The following TNC variants were observed in gnomAD, a reference collection of about 807,000 sequenced individuals.
TNC encodes the protein tenascin C.
A neutral mutation model predicts 202.4 loss-of-function variants in TNC; 109 were observed. The observed-to-expected ratio is 0.54, with a 90% CI of 0.46 to 0.63. The LOEUF (loss-of-function observed/expected upper bound fraction) is 0.63. TNC is among the 30% of genes least tolerant of loss of function. The pLI is 0.00. For synonymous variants in TNC, 1,007 were observed against 1,089.7 expected, an observed-to-expected ratio of 0.92 and a Z score of 1.50; for missense variants, 2,756 against 2,833.3, an observed-to-expected ratio of 0.97 and a Z score of 0.62.
At position 115,059,778 on chromosome 9, in the gene TNC, C is replaced by G. The variant is rs750201963; in HGVS notation, c.4258G>C (p.Val1420Leu). 3.7e-6 allele frequency: 6 copies of G among 1,613,948 alleles called. No homozygotes were observed. Among genetic ancestry groups the G allele is most frequent in the Non-Finnish European group, 5.1e-6 (6 of 1,179,972 alleles). The stretch of plus-strand genomic sequence containing the variant: ...ACTGGTGTTCTATAGCCCCGGATCA[C>G]CCCATAGATGGAGACTCTATAAGGC... ...ATPYRVSIYG[V>L]IRGYRTPVLS... is the part of the protein sequence containing the mutation. The change falls in exon 14 of 28, where the codon GTG (valine) becomes CTG (leucine). Residue 1420 changes from valine (V) to leucine (L), a missense_variant. Val to Leu is a conservative substitution (Grantham distance 32, BLOSUM62 1). Coordinates refer to ENST00000350763, the MANE Select transcript of TNC (RefSeq NM_002160.4).
At chr9:115,052,292 G>A (rs1312716646) in intron 15 of TNC, among the ~76,000 whole-genome samples, 4 of 151,944 alleles carry the variant, frequency 2.6e-5, no homozygotes, top group South Asian at 2.1e-4. Context: ...GGTGGTTACC[G>A]GTGACTGGGG....
intron 5 of TNC, 50 bp downstream of exon 5, chr9:115,082,642 A>G (rs1464531494): frequency 2.2e-6 from 3 of 1,382,762 alleles, no homozygotes; most frequent in African/African-American, 1.4e-5. Flanking sequence ...CCCTTTGGTC[A>G]TCTTTCAAAT....
intron 5 of TNC, 113 bp downstream of exon 5, chr9:115,082,579 C>A: frequency 4.3e-6 from 3 of 691,996 alleles, no homozygotes; most frequent in Admixed American, 2.7e-5. Flanking sequence ...TAATGAGAGC[C>A]TTGTCCTCCA....
intron 13 of TNC, among the ~76,000 whole-genome samples, chr9:115,060,323 A>G (rs1832452342): frequency 2.0e-5 from 3 of 152,196 alleles, no homozygotes; most frequent in African/African-American, 7.2e-5. Context: ...GGGTTAGGGT[A>G]AGAGATACAG....
chr9:115,076,526 G>T lies in TNC; in HGVS notation c.2724C>A (p.Ser908Arg). Residue 908 changes from serine to arginine, a missense_variant, in exon 8 of 28, where the codon AGC (serine) becomes AGA (arginine). By Grantham distance (110) the Ser-to-Arg change is moderately radical. Around this residue, in one of 2 missense-constraint regions of TNC, gnomAD observed 2,559 missense variants for 2,546.0 expected, o/e 1.01. Coordinates refer to ENST00000350763, the MANE Select transcript of TNC (RefSeq NM_002160.4). Reference protein sequence around the residue: ...NLRRVSQTDNSITLEWRNGKA... With the variant: ...NLRRVSQTDNRITLEWRNGKA... ...TGCCATTCCTCCATTCCAGGGTGAT[G>T]CTGTTATCTGTCTGGGAAACACGTC... The T allele has an allele frequency of 6.2e-7, 1 of 1,614,222 alleles. No individual in the cohort carries two copies. The highest frequency in any genetic ancestry group is 8.5e-7 in the Non-Finnish European group (1 of 1,180,054).
At chr9:115,087,370 G>A (rs1344678796) in intron 2 of TNC, 97 bp from the exon 3 acceptor site, 5 of 1,239,260 alleles carry the variant, frequency 4.0e-6, no homozygotes, top group Admixed American at 4.4e-5. Flanking sequence ...GCTGAAGGAC[G>A]GTTGCACCCT....
Position 115,078,124 on chromosome 9 carries a change from A to C in TNC, c.2493T>G (p.Asp831Glu). The part of the protein sequence containing the change: ...ITWFKPLAEI[D>E]GIELTYGIKD... ...TGATGCCGTAGGTCAGCTCAATGCC[A>C]TCGATCTCAGCCAGGGGCTTGAACC... The change falls in exon 7 of 28, where the codon GAT (aspartate) becomes GAG (glutamate). Residue 831 changes from aspartate to glutamate, a missense_variant. Physicochemically the swap from Asp to Glu is conservative, Grantham distance 45. Around this residue, in one of 2 missense-constraint regions of TNC, gnomAD observed 2,559 missense variants for 2,546.0 expected, o/e 1.01. Transcript: ENST00000350763. 1 of 1,614,208 alleles carries C rather than the reference A, an allele frequency of 6.2e-7. No individual in the cohort carries two copies. Among genetic ancestry groups the C allele is most frequent in the Non-Finnish European group, 8.5e-7 (1 of 1,180,018 alleles).
In TNC at chr9:115,086,767, G is replaced by T; in HGVS notation, c.964C>A (p.Arg322=). The T allele has an allele frequency of 6.2e-7, 1 of 1,613,824 alleles. No homozygotes were observed. The highest frequency in any genetic ancestry group is 8.5e-7 in the Non-Finnish European group (1 of 1,180,004). ...ELICPNDCFD[R]GRCINGTCYC... ...CAGGTGCCATTGATGCAGCGGCCCC[G>T]GTCGAAGCAGTCATTGGGGCAGATG... The change falls in exon 3 of 28, where the codon CGG becomes AGG. Residue 322 remains arginine (R), a synonymous_variant. Transcript: ENST00000350763.
chr9:115,073,621 G>A lies in TNC; in HGVS notation c.3196C>T (p.Arg1066Cys), dbSNP rs139280264. Residue 1066 changes from arginine (R) to cysteine (C), a missense_variant, in exon 10 of 28, where the codon CGT becomes TGT. Coordinates refer to ENST00000350763, the MANE Select transcript of TNC (RefSeq NM_002160.4). Reference protein sequence around the residue: ...EKGRHKSKPARVKASTEQAPE... With the variant: ...EKGRHKSKPACVKASTEQAPE... Reference sequence around the variant, plus strand: ...GACTCACCAGTGGATGCCTTCACACGTGCGGGCTTGCTCTTGTGTCTGCCT... The same window carrying A: ...GACTCACCAGTGGATGCCTTCACACATGCGGGCTTGCTCTTGTGTCTGCCT... 1.2e-3 allele frequency: 1,917 copies of A among 1,613,994 alleles called. 1 individual carries two copies. The highest frequency in any genetic ancestry group is 1.5e-3 in the Non-Finnish European group (1,742 of 1,179,936).
Position 115,029,451 on chromosome 9 carries a change from G to A in TNC, c.6078C>T (p.Phe2026=), listed in dbSNP as rs377288198. 2.8e-4 allele frequency: 452 copies of A among 1,614,070 alleles called. 10 individuals carry two copies. In the South Asian group the frequency reaches 4.6e-3, roughly 16 times the overall value. The change falls in exon 25 of 28, where the codon TTC becomes TTT. Residue 2026 remains phenylalanine (F), a synonymous_variant. Coordinates refer to ENST00000350763, the MANE Select transcript of TNC (RefSeq NM_002160.4). ...TCTCGCGTCCGTTTTTGCGTCTCAG[G>A]AACACCTATAAACATATCGATGAAT... is the stretch of plus-strand genomic sequence containing the variant. The part of the protein sequence containing the change: ...MTSDGGGWIV[F]LRRKNGRENF...
intron 6 of TNC, among the ~76,000 whole-genome samples, chr9:115,078,561 C>T (rs1309065628): frequency 6.6e-6 from 1 of 150,950 alleles, no homozygotes; most frequent in African/African-American, 2.4e-5. Context: ...AGGAAACATG[C>T]TTTGGGGATA....
intron 19 of TNC, among the ~76,000 whole-genome samples, chr9:115,040,534 C>T (rs1312191957): frequency 6.6e-6 from 1 of 152,178 alleles, no homozygotes; most frequent in African/African-American, 2.4e-5. Context: ...TCATGTGATC[C>T]TTACCATACC....
intron 24 of TNC, 52 bp from the exon 25 acceptor site, chr9:115,029,508 G>C (rs1175722283): frequency 6.4e-7 from 1 of 1,557,084 alleles, no homozygotes; most frequent in East Asian, 2.2e-5. Flanking sequence ...CAGGAAAGAG[G>C]GCATCGTTGT....
At chr9:115,095,958 G>T (rs1026337736) in intron 1 of TNC, among the ~76,000 whole-genome samples, 7 of 151,874 alleles carry the variant, frequency 4.6e-5, no homozygotes, top group Admixed American at 4.6e-4. Context: ...CAGATTTTTG[G>T]GGTCCCATAT....
In TNC at chr9:115,106,954, G is replaced by A. The variant is rs150350495; in HGVS notation, c.-137+11028C>T. ...AGAAATTAGCCAGAGAGAAATACTA[G>A]TCAGAGGAAGGCAGAGGCAAATGAA... On this transcript the variant is annotated intron_variant, in intron 1 of 27. Coordinates refer to ENST00000350763, the MANE Select transcript of TNC (RefSeq NM_002160.4). 2.7e-3 allele frequency among the ~76,000 whole-genome samples: 405 copies of A among 152,280 alleles called. 4 individuals carry two copies. Among genetic ancestry groups the A allele is most frequent in the East Asian group, 0.026 (137 of 5,188 alleles).
At chr9:115,106,738 T>C (rs767375521) in intron 1 of TNC, among the ~76,000 whole-genome samples, 1 of 152,168 alleles carries the variant, frequency 6.6e-6, no homozygotes, top group Non-Finnish European at 1.5e-5. Flanking sequence ...CACTATGTAC[T>C]ATCTAAAAAA....
chr9:115,026,432 T>C lies in TNC; in HGVS notation c.6331+102A>G, dbSNP rs1310889213. On this transcript the variant is annotated intron_variant, in intron 26 of 27. Coordinates refer to ENST00000350763, the MANE Select transcript of TNC (RefSeq NM_002160.4). Reference sequence around the variant, plus strand: ...CTTAAATATTTGTTGATTTAATAAATTGCTGGATTAATGAGGAAGGAATGA... The same window carrying C: ...CTTAAATATTTGTTGATTTAATAAACTGCTGGATTAATGAGGAAGGAATGA... 3.1e-6 allele frequency: 4 copies of C among 1,269,972 alleles called. No individual in the cohort carries two copies. The African/African-American group carries it at 4.5e-5, about 14-fold the overall frequency. 78.7% of individuals were successfully genotyped at this position (1,269,972 alleles called of 1,614,324 possible). A position where few individuals can be genotyped will look rare whatever the true frequency, so the allele number is the denominator to read the frequency against.
At chr9:115,066,467 G>A (rs1832960551) in intron 10 of TNC, among the ~76,000 whole-genome samples, 2 of 152,116 alleles carry the variant, frequency 1.3e-5, no homozygotes, top group South Asian at 4.1e-4. Flanking sequence ...ATCTTAGCTT[G>A]GAATTTGATT....
chr9:115,082,236 C>A (rs550740809), intron 5 of TNC, among the ~76,000 whole-genome samples: 1 of 152,346 alleles, frequency 6.6e-6, no homozygotes, highest in East Asian at 1.9e-4. Flanking sequence ...AGGCCAGCAT[C>A]AGAGGAGTAG....
Sources: gnomAD v4.1 joint callset for allele counts (sites outside exome capture counted in the v4.1 genomes callset) on GRCh38, gnomAD v4.1.1 for gene constraint, gnomAD v4.1.1 regional missense constraint, MANE v1.5 for transcripts, NCBI Gene and HGNC (gene_info 2026-07-23, HGNC 2026-07-21) for gene names.